Variants in CYP2C19 observed in about 807,000 individuals in gnomAD.
CYP2C19 encodes cytochrome P450 family 2 subfamily C member 19.
A neutral mutation model predicts 40.9 loss-of-function variants in CYP2C19; 59 were observed. The observed-to-expected ratio is 1.44, with a 90% CI of 1.17 to 1.79. CYP2C19 has a LOEUF of 1.79. Among genes scored for constraint, CYP2C19 ranks in the 40% most tolerant of loss-of-function variants. CYP2C19 has a pLI of 0.00. For missense variants in CYP2C19, 754 were observed against 596.9 expected (o/e 1.26, Z -2.74); for synonymous variants, 253 against 208.7 (o/e 1.21, Z -1.83).
intron 6 of CYP2C19, among the ~76,000 whole-genome samples, chr10:94,826,279 C>T (rs1275302329): frequency 6.6e-6 from 1 of 152,030 alleles, no homozygotes; most frequent in African/African-American, 2.4e-5. Context: ...ATTGATTCTT[C>T]CGACCCATGA....
chr10:94,792,760 A>G lies in CYP2C19; in HGVS notation c.819+10763A>G, dbSNP rs568394627. Among the ~76,000 whole-genome samples, 6 of 152,268 alleles carry G rather than the reference A, an allele frequency of 3.9e-5. No homozygotes were observed. In the East Asian group the frequency reaches 1.2e-3, roughly 29 times the overall value. On this transcript the variant is annotated intron_variant, in intron 5 of 8. Transcript: ENST00000371321. Reference sequence around the variant, plus strand: ...ATGGGCTTCCCTTTGGGGGTAACCCAACCTTTCTCTCTGGCTGCCCTAAAT... The same window carrying G: ...ATGGGCTTCCCTTTGGGGGTAACCCGACCTTTCTCTCTGGCTGCCCTAAAT...
In CYP2C19 at chr10:94,812,606, C is replaced by T. The variant is rs562837225; in HGVS notation, c.820-7890C>T. ...TCTTATTTTTTAACTTTTTTCTTCACATTTTATTTCATTAAGTTGATCTTG... is the reference window on the plus strand; with the variant it reads ...TCTTATTTTTTAACTTTTTTCTTCATATTTTATTTCATTAAGTTGATCTTG... On this transcript the variant is annotated intron_variant, in intron 5 of 8. Coordinates refer to ENST00000371321, the MANE Select transcript of CYP2C19 (RefSeq NM_000769.4). 2.9e-4 allele frequency among the ~76,000 whole-genome samples: 44 copies of T among 152,288 alleles called. 1 individual carries two copies. The highest frequency in any genetic ancestry group is 9.9e-4 in the African/African-American group (41 of 41,562).
chr10:94,784,367 G>A (rs1290697431), intron 5 of CYP2C19, among the ~76,000 whole-genome samples: 1 of 151,956 alleles, frequency 6.6e-6, no homozygotes, highest in Non-Finnish European at 1.5e-5. Flanking sequence ...ATTTGTGTAT[G>A]TTTCTTTATG....
At chr10:94,767,627 G>T (rs59826872) in intron 1 of CYP2C19, among the ~76,000 whole-genome samples, 2 of 152,114 alleles carry the variant, frequency 1.3e-5, no homozygotes, top group Non-Finnish European at 2.9e-5. Flanking sequence ...GCACACCTCA[G>T]AGGCTTTGAC....
chr10:94,783,064 A>C (rs950987861), intron 5 of CYP2C19, among the ~76,000 whole-genome samples: 1 of 152,130 alleles, frequency 6.6e-6, no homozygotes, highest in African/African-American at 2.4e-5. Context: ...CCTATTTAAC[A>C]ATCCTGCACG....
intron 5 of CYP2C19, among the ~76,000 whole-genome samples, chr10:94,799,817 GCAT>G (rs1199207510): frequency 1.3e-5 from 2 of 152,018 alleles, no homozygotes; most frequent in Non-Finnish European, 2.9e-5. Context: ...GCTTCTGCAT[GCAT>G]CATGAAGTTC....
At chr10:94,771,447 C>T (rs932130348) in intron 1 of CYP2C19, among the ~76,000 whole-genome samples, 1 of 152,126 alleles carries the variant, frequency 6.6e-6, no homozygotes, top group Non-Finnish European at 1.5e-5. Flanking sequence ...ATTTGGCTTT[C>T]CTCTTACAGA....
At chr10:94,840,625 G>T (rs1403324596) in intron 6 of CYP2C19, among the ~76,000 whole-genome samples, 1 of 152,202 alleles carries the variant, frequency 6.6e-6, no homozygotes, top group Non-Finnish European at 1.5e-5. Context: ...GGAGGTATGG[G>T]TCAGAAGGAA....
intron 5 of CYP2C19, among the ~76,000 whole-genome samples, chr10:94,788,076 C>A (rs1406784507): frequency 2.0e-5 from 3 of 151,642 alleles, no homozygotes; most frequent in Non-Finnish European, 4.4e-5. Context: ...TTGTAGAGAC[C>A]GTTTGCCCCT....
chr10:94,826,160 T>G (rs1307753950), intron 6 of CYP2C19, among the ~76,000 whole-genome samples: 1 of 152,102 alleles, frequency 6.6e-6, no homozygotes, highest in Non-Finnish European at 1.5e-5. Context: ...TGGTTCCATA[T>G]GAACTTTAAA....
At chr10:94,832,765 CA>C (rs1849353169) in intron 6 of CYP2C19, among the ~76,000 whole-genome samples, 1 of 151,758 alleles carries the variant, frequency 6.6e-6, no homozygotes, top group African/African-American at 2.4e-5. Context: ...GGGTCCATGT[CA>C]ATTTTAAAGA....
At chr10:94,802,545 AG>A (rs1848781488) in intron 5 of CYP2C19, among the ~76,000 whole-genome samples, 1 of 152,126 alleles carries the variant, frequency 6.6e-6, no homozygotes. Flanking sequence ...CCAATTTGCC[AG>A]TCTGTGTCTT....
At chr10:94,842,005 C>A (rs539249932) in intron 6 of CYP2C19, among the ~76,000 whole-genome samples, 1 of 152,212 alleles carries the variant, frequency 6.6e-6, no homozygotes, top group East Asian at 1.9e-4. Flanking sequence ...TCTATTAGAC[C>A]CATTTGGTCT....
intron 5 of CYP2C19, among the ~76,000 whole-genome samples, chr10:94,798,567 A>T (rs1848720943): frequency 6.6e-6 from 1 of 152,012 alleles, no homozygotes. Context: ...TGTCTCATTG[A>T]TCTGTTTAAC....
intron 5 of CYP2C19, among the ~76,000 whole-genome samples, chr10:94,786,433 T>C (rs1848541704): frequency 6.6e-6 from 1 of 152,080 alleles, no homozygotes; most frequent in South Asian, 2.1e-4. Flanking sequence ...AAGGGTCTGG[T>C]TTAGTTTGAA....
chr10:94,805,141 AT>A (rs1256091162), intron 5 of CYP2C19, among the ~76,000 whole-genome samples: 1 of 151,696 alleles, frequency 6.6e-6, no homozygotes, highest in Non-Finnish European at 1.5e-5. Context: ...TTTCTTTCTG[AT>A]TTTAAGTTAT....
rs1308820039 is a variant in CYP2C19 at position 94,808,909 on chromosome 10, A to T, written c.820-11587A>T. ...CTGAAACAAACATGGGAGTGTAGAT[A>T]TCTCTTCAATATACTGATTTCCTTT... On this transcript the variant is annotated intron_variant, in intron 5 of 8. Transcript: ENST00000371321. Among the ~76,000 whole-genome samples the T allele has an allele frequency of 2.0e-5, 3 of 148,370 alleles. No homozygotes were observed. In the East Asian group the frequency reaches 6.0e-4, roughly 30 times the overall value.
intron 7 of CYP2C19, among the ~76,000 whole-genome samples, chr10:94,849,693 C>G (rs1032357312): frequency 1.4e-5 from 2 of 140,046 alleles, no homozygotes; most frequent in African/African-American, 5.3e-5. Flanking sequence ...CATGTGTTCT[C>G]ATTGTTCAAT....
At chr10:94,852,020 A>T (rs188034829) in intron 8 of CYP2C19, among the ~76,000 whole-genome samples, 1 of 152,330 alleles carries the variant, frequency 6.6e-6, no homozygotes, top group African/African-American at 2.4e-5. Context: ...GTAATAGAAA[A>T]GTTCATCTTG....
Sources: allele counts gnomAD v4.1 joint callset (sites outside exome capture counted in the v4.1 genomes callset), GRCh38; gene constraint gnomAD v4.1.1; transcripts MANE v1.5; gene names NCBI Gene and HGNC (gene_info 2026-07-23, HGNC 2026-07-21).